Variants in SACM1L observed in about 807,000 individuals in gnomAD.
SACM1L encodes the protein SAC1 like phosphatidylinositide phosphatase.
SACM1L carries 32 observed loss-of-function variants against 89.5 expected under a neutral mutation model. That is an observed-to-expected ratio of 0.36 (90% CI 0.27 to 0.48). The LOEUF (loss-of-function observed/expected upper bound fraction) is 0.48, where lower values mean the gene tolerates loss of function less well. SACM1L is among the 20% of genes least tolerant of loss of function. The pLI is 0.99. For missense variants in SACM1L, 543 were observed against 708.5 expected (o/e 0.77, Z 2.65); for synonymous variants, 213 against 232.8 (o/e 0.92, Z 0.77).
Position 45,715,059 on chromosome 3 carries a change from G to A in SACM1L, c.577+980G>A, listed in dbSNP as rs12633158. On this transcript the variant is annotated intron_variant, in intron 7 of 19. Coordinates refer to ENST00000389061, the MANE Select transcript of SACM1L (RefSeq NM_014016.5). ...CAGTAACATGCTATACAGGTTTGTA[G>A]CTAAGGAGCGATGGGCTATACCGTG... Among the ~76,000 whole-genome samples, 393 of 152,342 alleles carry A rather than the reference G, an allele frequency of 2.6e-3. 12 individuals are homozygous for A. The East Asian group carries it at 0.046, about 18-fold the overall frequency.
rs779448646 is a variant in SACM1L at position 45,709,479 on chromosome 3, G to A, written c.334-19G>A. ...TTCCTTTTCAATTATGAGCTATACTGATTTTTCTTTGTTTATAGTTACAAG... is the reference window on the plus strand; with the variant it reads ...TTCCTTTTCAATTATGAGCTATACTAATTTTTCTTTGTTTATAGTTACAAG... On this transcript the variant is annotated intron_variant, in intron 4 of 19. Transcript: ENST00000389061. The A allele has an allele frequency of 1.3e-6, 2 of 1,588,472 alleles. No individual in the cohort carries two copies. Among genetic ancestry groups the A allele is most frequent in the Non-Finnish European group, 1.7e-6 (2 of 1,165,280 alleles).
chr3:45,719,443 C>A, intron 7 of SACM1L, 57 bp from the exon 8 acceptor site: 2 of 993,648 alleles, frequency 2.0e-6, no homozygotes, highest in Non-Finnish European at 1.5e-6. Flanking sequence ...TGCAAACAAT[C>A]TAGAAACAAT....
chr3:45,744,829 G>T lies in SACM1L; in HGVS notation c.*1160G>T, dbSNP rs1170659491. On this transcript the variant is annotated 3_prime_UTR_variant, in exon 20 of 20. Transcript: ENST00000389061. ...AAATATTAGAACGGTATGTAAGGTA[G>T]TATAATTACCACTATTTTAAATAAT... The T allele has an allele frequency of 7.8e-6, 1 of 128,714 alleles. No homozygotes were observed. The highest frequency in any genetic ancestry group is 2.0e-4 in the East Asian group (1 of 4,944). The allele number at this position is 128,714 out of a possible 1,614,324, so 8.0% of individuals were successfully genotyped here.
intron 1 of SACM1L, among the ~76,000 whole-genome samples, chr3:45,699,774 CA>C (rs1698224451): frequency 6.6e-6 from 1 of 152,114 alleles, no homozygotes. Context: ...TGCCCGCTTC[CA>C]CCTCCTAAAG....
At chr3:45,739,447 G>A in intron 18 of SACM1L, 140 bp from the exon 19 acceptor site, 1 of 773,142 alleles carries the variant, frequency 1.3e-6, no homozygotes, top group South Asian at 1.5e-5. Flanking sequence ...AAATAATAAT[G>A]TTTTGTTGAC....
chr3:45,725,922 T>C (rs192991484), intron 11 of SACM1L, among the ~76,000 whole-genome samples: 1 of 152,246 alleles, frequency 6.6e-6, no homozygotes, highest in East Asian at 1.9e-4. Flanking sequence ...GGTGTTGAAT[T>C]TTGTCAAATA....
At chr3:45,714,788 A>G (rs543770301) in intron 7 of SACM1L, among the ~76,000 whole-genome samples, 3 of 152,366 alleles carry the variant, frequency 2.0e-5, no homozygotes, top group Admixed American at 6.5e-5. Flanking sequence ...GATCTATGTC[A>G]TAGACATCAT....
intron 5 of SACM1L, among the ~76,000 whole-genome samples, chr3:45,710,385 G>A (rs1348352773): frequency 4.0e-5 from 6 of 151,438 alleles, no homozygotes; most frequent in Admixed American, 6.6e-5. Context: ...TAGAGATGGG[G>A]TTTCGCCATG....
intron 5 of SACM1L, among the ~76,000 whole-genome samples, chr3:45,712,830 T>C (rs1470385080): frequency 6.6e-6 from 1 of 152,120 alleles, no homozygotes; most frequent in Non-Finnish European, 1.5e-5. Context: ...TGGAGTCAGA[T>C]GTTGGTAAAG....
chr3:45,700,744 C>T (rs1305336102), intron 1 of SACM1L, among the ~76,000 whole-genome samples: 1 of 152,218 alleles, frequency 6.6e-6, no homozygotes, highest in Non-Finnish European at 1.5e-5. Context: ...GCACTCTGAA[C>T]TCACTGCAAC....
chr3:45,696,298 A>G (rs892674507), intron 1 of SACM1L, among the ~76,000 whole-genome samples: 1 of 152,170 alleles, frequency 6.6e-6, no homozygotes, highest in Non-Finnish European at 1.5e-5. Context: ...TGCCTGGCCC[A>G]GAATTTCCTT....
At chr3:45,689,542 G>C (rs771759230) in intron 1 of SACM1L, 45 bp downstream of exon 1, 6 of 1,547,258 alleles carry the variant, frequency 3.9e-6, no homozygotes, top group African/African-American at 2.7e-5. Flanking sequence ...GGGCGGGGCG[G>C]CAGGTGCGGG....
intron 11 of SACM1L, among the ~76,000 whole-genome samples, chr3:45,729,508 G>T (rs139306695): frequency 3.3e-5 from 5 of 152,144 alleles, no homozygotes; most frequent in African/African-American, 1.2e-4. Flanking sequence ...ACTACCTCAG[G>T]TTTTGTTTAT....
chr3:45,691,848 T>G (rs1436848918), intron 1 of SACM1L, among the ~76,000 whole-genome samples: 1 of 152,220 alleles, frequency 6.6e-6, no homozygotes, highest in Admixed American at 6.5e-5. Context: ...ATCTCTGCCT[T>G]GTTGAATTTC....
chr3:45,731,863 A>C (rs367786990), intron 12 of SACM1L, among the ~76,000 whole-genome samples, 190 bp from the exon 13 acceptor site: 3 of 152,284 alleles, frequency 2.0e-5, no homozygotes, highest in East Asian at 1.9e-4. Flanking sequence ...GCTAGGTATG[A>C]GCATGAGAAG....
At chr3:45,719,096 T>C (rs560117364) in intron 7 of SACM1L, among the ~76,000 whole-genome samples, 2 of 152,264 alleles carry the variant, frequency 1.3e-5, no homozygotes, top group East Asian at 3.9e-4. Flanking sequence ...TTTTTCCCCT[T>C]AGCTGCAGTA....
intron 19 of SACM1L, among the ~76,000 whole-genome samples, chr3:45,743,232 C>A (rs547710332): frequency 5.3e-5 from 8 of 151,942 alleles, no homozygotes; most frequent in Non-Finnish European, 8.8e-5. Flanking sequence ...ATCATTTAGT[C>A]CAGTGGTTCT....
intron 4 of SACM1L, among the ~76,000 whole-genome samples, chr3:45,709,117 T>G (rs886131896): frequency 2.0e-5 from 3 of 152,218 alleles, no homozygotes; most frequent in Non-Finnish European, 2.9e-5. Flanking sequence ...AAGATAGCTA[T>G]GCTAACTTAG....
At chr3:45,740,711 A>G (rs1699294403) in intron 19 of SACM1L, among the ~76,000 whole-genome samples, 1 of 152,234 alleles carries the variant, frequency 6.6e-6, no homozygotes, top group Admixed American at 6.5e-5. Context: ...TTTAATCTTT[A>G]TAAGTGTCTG....
Sources: gnomAD v4.1 joint callset for allele counts (sites outside exome capture counted in the v4.1 genomes callset) on GRCh38, gnomAD v4.1.1 for gene constraint, MANE v1.5 for transcripts, NCBI Gene and HGNC (gene_info 2026-07-23, HGNC 2026-07-21) for gene names.